The following PKD1L1 variants were observed in gnomAD, a reference collection of about 807,000 sequenced individuals.
The protein encoded by PKD1L1 is polycystin 1 like 1, transient receptor potential channel interacting.
A neutral mutation model predicts 323.4 loss-of-function variants in PKD1L1; 236 were observed. The observed-to-expected ratio is 0.73, with a 90% CI of 0.66 to 0.81. PKD1L1 has a LOEUF of 0.81. Ranked by LOEUF, PKD1L1 falls within the 40% of genes least tolerant of loss-of-function variation. PKD1L1 has a pLI of 0.00. For missense variants in PKD1L1, 3,320 were observed against 3,508.0 expected (o/e 0.95, Z 1.35); for synonymous variants, 1,344 against 1,335.0 (o/e 1.01, Z -0.15).
At position 47,800,640 on chromosome 7, in the gene PKD1L1, T is replaced by C; in HGVS notation, c.8193+9A>G. ...CCATAACTTGAAAGTTGGGGATGTG[T>C]TTACTTACCATTCCAAAACACAGTG... is the stretch of plus-strand genomic sequence containing the variant. On this transcript the variant is annotated intron_variant, in intron 54 of 56. Transcript: ENST00000289672. 6.2e-7 allele frequency: 1 copy of C among 1,612,276 alleles called. No homozygotes were observed. The highest frequency in any genetic ancestry group is 8.5e-7 in the Non-Finnish European group (1 of 1,178,368).
chr7:47,931,897 C>T (rs1787777805), intron 5 of PKD1L1, 39 bp downstream of exon 5: 1 of 1,587,042 alleles, frequency 6.3e-7, no homozygotes, highest in Admixed American at 1.7e-5. Context: ...TCACCAGCAG[C>T]TTTCTGATGA....
At chr7:47,913,601 C>T (rs983380268) in intron 8 of PKD1L1, among the ~76,000 whole-genome samples, 1 of 152,072 alleles carries the variant, frequency 6.6e-6, no homozygotes. Context: ...TGGCACCTCC[C>T]CCCCTCTTGC....
chr7:47,916,789 A>G (rs1787437787), intron 7 of PKD1L1, among the ~76,000 whole-genome samples: 1 of 152,208 alleles, frequency 6.6e-6, no homozygotes, highest in African/African-American at 2.4e-5. Context: ...TGAGTACTAC[A>G]TCAAGGGAAC....
chr7:47,877,160 G>A (rs549325333), intron 22 of PKD1L1, among the ~76,000 whole-genome samples: 1 of 152,176 alleles, frequency 6.6e-6, no homozygotes, highest in South Asian at 2.1e-4. Context: ...CTCACTTTGG[G>A]TCACGTGCCT....
intron 24 of PKD1L1, among the ~76,000 whole-genome samples, chr7:47,873,212 C>A (rs1045380098): frequency 1.3e-5 from 2 of 151,976 alleles, no homozygotes; most frequent in Non-Finnish European, 2.9e-5. Context: ...TCAAGGTTTT[C>A]ACGGGATGAT....
Position 47,902,307 on chromosome 7 carries a change from CCAAA to C in PKD1L1, c.2064+68_2064+71del, listed in dbSNP as rs746249245. On this transcript the variant is annotated intron_variant, in intron 13 of 56. Transcript: ENST00000289672. ...CTTCATGCCCCAAACTCTCACCACT[CCAAA>C]CAGTGGTCCCAACTCAGAGGGAGGC... 6.4e-6 allele frequency: 10 copies of C among 1,562,746 alleles called. No individual in the cohort carries two copies. The South Asian group carries it at 9.6e-5, about 15-fold the overall frequency.
intron 13 of PKD1L1, among the ~76,000 whole-genome samples, chr7:47,901,327 C>CAAAAAAA (rs71699736): frequency 6.4e-5 from 4 of 62,594 alleles, no homozygotes; most frequent in African/African-American, 1.5e-4. Context: ...AACAGAGTCT[C>CAAAAAAA]AAAAAAAAAA....
intron 39 of PKD1L1, 73 bp from the exon 40 acceptor site, chr7:47,834,458 A>G: frequency 8.1e-7 from 1 of 1,238,874 alleles, no homozygotes; most frequent in Non-Finnish European, 1.2e-6. Context: ...ATGTTTAAGG[A>G]TTAGCGGGGA....
chr7:47,888,422 G>A (rs1482993668), intron 16 of PKD1L1, among the ~76,000 whole-genome samples: 4 of 152,178 alleles, frequency 2.6e-5, no homozygotes, highest in Non-Finnish European at 5.9e-5. Context: ...TAGCTTTTCC[G>A]AGTCACACAG....
chr7:47,789,537 T>A (rs1172074931), intron 56 of PKD1L1, among the ~76,000 whole-genome samples: 1 of 152,190 alleles, frequency 6.6e-6, no homozygotes, highest in African/African-American at 2.4e-5. Flanking sequence ...TCAACTTCTT[T>A]CCTTCTGTTT....
chr7:47,877,396 T>C, intron 22 of PKD1L1, 93 bp downstream of exon 22: 1 of 1,503,650 alleles, frequency 6.7e-7, no homozygotes, highest in Non-Finnish European at 9.1e-7. Context: ...GGGAAGGACA[T>C]TGCTGTCCAT....
intron 24 of PKD1L1, among the ~76,000 whole-genome samples, chr7:47,873,676 G>GA (rs1562967528): frequency 6.8e-5 from 9 of 131,914 alleles, no homozygotes; most frequent in African/African-American, 2.7e-4. Context: ...AAAAAAGAAG[G>GA]AGAAGAAAGT....
chr7:47,922,141 T>G (rs1403138993), intron 7 of PKD1L1, among the ~76,000 whole-genome samples: 1 of 152,254 alleles, frequency 6.6e-6, no homozygotes, highest in East Asian at 1.9e-4. Context: ...CTCCAGCTCC[T>G]GACCACGAGT....
At chr7:47,910,330 A>ACTTT (rs1787291840) in intron 8 of PKD1L1, among the ~76,000 whole-genome samples, 1 of 148,306 alleles carries the variant, frequency 6.7e-6, no homozygotes, top group South Asian at 2.1e-4. Flanking sequence ...GGCATATCTT[A>ACTTT]CTTTCTTTTT....
chr7:47,882,082 T>C lies in PKD1L1; in HGVS notation c.3269A>G (p.Lys1090Arg). 1 of 1,613,084 alleles carries C rather than the reference T, an allele frequency of 6.2e-7. No individual in the cohort carries two copies. ...AIPSGGRQPA[K>R]DTSFPGSGPS... is the part of the protein sequence containing the mutation. ...TCCTGATCCTGGAAAGCTGGTGTCCTTAGCTAGGAAGATAAACCAAGCCAA... is the reference window on the plus strand; with the variant it reads ...TCCTGATCCTGGAAAGCTGGTGTCCCTAGCTAGGAAGATAAACCAAGCCAA... The change falls in exon 20 of 57, where the codon AAG becomes AGG. Residue 1090 changes from lysine to arginine, a missense_variant. By Grantham distance (26) the Lys-to-Arg change is conservative. Transcript: ENST00000289672.
At chr7:47,813,357 G>T (rs1784944378) in intron 48 of PKD1L1, 64 bp from the exon 49 acceptor site, 1 of 1,569,362 alleles carries the variant, frequency 6.4e-7, no homozygotes, top group South Asian at 1.1e-5. Flanking sequence ...TGCAATCCGG[G>T]GTCTCCAGGC....
At chr7:47,790,814 A>G (rs948351442) in intron 56 of PKD1L1, among the ~76,000 whole-genome samples, 1 of 149,990 alleles carries the variant, frequency 6.7e-6, no homozygotes, top group Admixed American at 6.6e-5. Flanking sequence ...TCTGTCACCT[A>G]GGCTGGATCA....
intron 45 of PKD1L1, among the ~76,000 whole-genome samples, chr7:47,822,953 C>CT (rs34162840): frequency 0.056 from 8,220 of 146,882 alleles, 276 homozygotes; most frequent in South Asian, 0.14. Flanking sequence ...TTCCAGAACC[C>CT]TTTTTTTTTT....
chr7:47,898,391 T>TA (rs967760612), intron 13 of PKD1L1, among the ~76,000 whole-genome samples, 197 bp from the exon 14 acceptor site: 28 of 150,950 alleles, frequency 1.9e-4, no homozygotes, highest in Middle Eastern at 6.8e-3. Flanking sequence ...AATAAAAGGT[T>TA]AAAAAAAAAC....
Sources: allele counts gnomAD v4.1 joint callset (sites outside exome capture counted in the v4.1 genomes callset), GRCh38; gene constraint gnomAD v4.1.1; transcripts MANE v1.5; gene names NCBI Gene and HGNC (gene_info 2026-07-23, HGNC 2026-07-21).